Variants in MBNL1 observed in about 807,000 individuals in gnomAD.
The protein encoded by MBNL1 is muscleblind like splicing regulator 1, also known as muscleblind-like protein 1.
Under a neutral mutation model 42.2 loss-of-function variants are expected in MBNL1, and 8 were observed. The observed-to-expected ratio is 0.19, with a 90% CI of 0.11 to 0.34. The LOEUF (loss-of-function observed/expected upper bound fraction) is 0.34, where lower values mean the gene tolerates loss of function less well. Ranked by LOEUF, MBNL1 falls within the 10% of genes least tolerant of loss-of-function variation. The probability of loss-of-function intolerance (pLI) is 1.00; values close to 1 mark genes in which losing one functional copy is unlikely to be tolerated. For synonymous variants in MBNL1, 169 were observed against 173.9 expected, an observed-to-expected ratio of 0.97 and a Z score of 0.22; for missense variants, 309 against 495.3, an observed-to-expected ratio of 0.62 and a Z score of 3.57.
chr3:152,250,208 G>T (rs1385524042), intron 2 of MBNL1, among the ~76,000 whole-genome samples: 2 of 151,128 alleles, frequency 1.3e-5, no homozygotes, highest in African/African-American at 4.8e-5. Flanking sequence ...ATTACCTTGG[G>T]CAGTATGGCC....
intron 2 of MBNL1, among the ~76,000 whole-genome samples, chr3:152,321,125 A>G (rs1045859287): frequency 3.3e-5 from 5 of 152,066 alleles, no homozygotes; most frequent in Non-Finnish European, 5.9e-5. Flanking sequence ...TCTAGAGAGT[A>G]AAAAAATGTT....
chr3:152,416,472 G>A (rs2098704075), intron 3 of MBNL1, among the ~76,000 whole-genome samples: 1 of 152,192 alleles, frequency 6.6e-6, no homozygotes, highest in African/African-American at 2.4e-5. Flanking sequence ...AACAGAACAT[G>A]TAGGACAAAA....
At chr3:152,265,615 C>T (rs2037107837), upstream of MBNL1, 1 of 152,144 alleles carries the variant, frequency 6.6e-6, no homozygotes, top group Non-Finnish European at 1.5e-5. Flanking sequence ...AAGGAGCTGA[C>T]ATTATCTATA....
intron 3 of MBNL1, among the ~76,000 whole-genome samples, chr3:152,419,247 T>G (rs6440804): frequency 0.49 from 75,120 of 151,840 alleles, 18,969 homozygotes; most frequent in Middle Eastern, 0.61. Context: ...TTTAATTATT[T>G]AAATTTAAAA....
In MBNL1 at chr3:152,450,548, A is replaced by G. The variant is rs894286843; in HGVS notation, c.961+2775A>G. 2.0e-5 allele frequency among the ~76,000 whole-genome samples: 3 copies of G among 152,208 alleles called. No homozygotes were observed. The South Asian group carries it at 6.2e-4, about 31-fold the overall frequency. ...CTGTGGGGTCTGGGAGGCACAGGGG[A>G]GCACAGGCTCAGTCTAAAGAGTATA... is the stretch of plus-strand genomic sequence containing the variant. On this transcript the variant is annotated intron_variant, in intron 6 of 9. Coordinates refer to ENST00000324210, the MANE Select transcript of MBNL1 (RefSeq NM_021038.5).
chr3:152,391,111 G>A (rs980358216), intron 2 of MBNL1, among the ~76,000 whole-genome samples: 1 of 152,188 alleles, frequency 6.6e-6, no homozygotes, highest in African/African-American at 2.4e-5. Flanking sequence ...AAGAAACAGA[G>A]GTTTAGAGGA....
chr3:152,254,528 C>T (rs1315249488), intron 2 of MBNL1, among the ~76,000 whole-genome samples: 1 of 152,070 alleles, frequency 6.6e-6, no homozygotes, highest in Non-Finnish European at 1.5e-5. Context: ...CCTATGCTGG[C>T]CTCACATCTA....
intron 2 of MBNL1, among the ~76,000 whole-genome samples, chr3:152,334,547 G>C (rs1178478271): frequency 6.6e-6 from 1 of 152,152 alleles, no homozygotes; most frequent in African/African-American, 2.4e-5. Context: ...AAAGGTCTGA[G>C]ACCTAATATT....
intron 2 of MBNL1, among the ~76,000 whole-genome samples, chr3:152,331,239 G>T (rs922927179): frequency 6.6e-5 from 10 of 151,636 alleles, no homozygotes; most frequent in African/African-American, 2.4e-4. Flanking sequence ...GGGCATAACT[G>T]AATAGGAAAT....
intron 3 of MBNL1, among the ~76,000 whole-genome samples, chr3:152,424,224 G>A (rs2098856027): frequency 6.6e-6 from 1 of 152,206 alleles, no homozygotes; most frequent in Non-Finnish European, 1.5e-5. Context: ...TACTTCAGCA[G>A]TCTCAGGATA....
intron 5 of MBNL1, chr3:152,446,908 T>G (rs2099235320): frequency 6.5e-6 from 4 of 619,474 alleles, no homozygotes; most frequent in Admixed American, 3.3e-5. Context: ...CTGACAAAAT[T>G]AGTAGAAAGA....
intron 3 of MBNL1, among the ~76,000 whole-genome samples, chr3:152,430,856 G>A (rs1234901976): frequency 6.6e-6 from 1 of 152,182 alleles, no homozygotes; most frequent in African/African-American, 2.4e-5. Flanking sequence ...GGGGATTAGA[G>A]GTGCTACTTG....
At chr3:152,438,806 T>G (rs2099111399) in intron 4 of MBNL1, among the ~76,000 whole-genome samples, 2 of 152,232 alleles carry the variant, frequency 1.3e-5, no homozygotes, top group Non-Finnish European at 2.9e-5. Flanking sequence ...TTGTGAAACT[T>G]AATTAAAAAT....
At chr3:152,395,094 C>T (rs888590109) in intron 2 of MBNL1, among the ~76,000 whole-genome samples, 5 of 152,040 alleles carry the variant, frequency 3.3e-5, no homozygotes, top group Non-Finnish European at 5.9e-5. Flanking sequence ...CCCCTGACCT[C>T]GTGATCCACC....
intron 2 of MBNL1, among the ~76,000 whole-genome samples, chr3:152,319,373 G>A (rs2074694463): frequency 6.6e-6 from 1 of 152,070 alleles, no homozygotes; most frequent in African/African-American, 2.4e-5. Context: ...TACAGATAGG[G>A]AACCAAGGAG....
intron 2 of MBNL1, among the ~76,000 whole-genome samples, chr3:152,385,442 T>C (rs942662969): frequency 3.3e-5 from 5 of 152,056 alleles, no homozygotes; most frequent in Non-Finnish European, 5.9e-5. Context: ...AAATTAGACA[T>C]TAGATGTTAA....
At chr3:152,390,612 T>TGC (rs1283907593) in intron 2 of MBNL1, among the ~76,000 whole-genome samples, 15 of 81,346 alleles carry the variant, frequency 1.8e-4, no homozygotes, top group African/African-American at 7.6e-4. Flanking sequence ...TGTATTGTTA[T>TGC]GCACACACAC....
Position 152,464,136 on chromosome 3 carries a change from T to C in MBNL1, c.*1770T>C, listed in dbSNP as rs970387857. The C allele has an allele frequency of 3.9e-5, 6 of 152,540 alleles. No homozygotes were observed. Among genetic ancestry groups the C allele is most frequent in the Admixed American group, 2.0e-4 (3 of 15,280 alleles). 9.4% of individuals were successfully genotyped at this position (152,540 alleles called of 1,614,324 possible). On this transcript the variant is annotated 3_prime_UTR_variant, in exon 10 of 10. Coordinates refer to ENST00000324210, the MANE Select transcript of MBNL1 (RefSeq NM_021038.5). ...TTCTTGTTAAAATGTAGTTTTTCAT[T>C]TCCTACATTTATTAGATTTTCATTT...
chr3:152,268,807 C>T (rs2149613931), upstream of MBNL1: 2 of 444,660 alleles, frequency 4.5e-6, no homozygotes, highest in Non-Finnish European at 8.9e-6. Context: ...CCGCCGCGTG[C>T]ATTAGGAGCT....
Sources: allele counts gnomAD v4.1 joint callset (sites outside exome capture counted in the v4.1 genomes callset), GRCh38; gene constraint gnomAD v4.1.1; transcripts MANE v1.5; gene names NCBI Gene and HGNC (gene_info 2026-07-23, HGNC 2026-07-21).